Variants in POTEF observed in about 807,000 individuals in gnomAD.
The protein encoded by POTEF is ANKRD26-like family C member 1B.
Under a neutral mutation model 83.2 loss-of-function variants are expected in POTEF, and 20 were observed. The ratio of observed to expected loss-of-function variants is 0.24; its 90% confidence interval spans 0.17 to 0.35. POTEF has a LOEUF of 0.35. POTEF is among the 10% of genes least tolerant of loss of function. The probability of loss-of-function intolerance (pLI) is 1.00; values close to 1 mark genes in which losing one functional copy is unlikely to be tolerated. For missense variants in POTEF, 550 were observed against 1,203.2 expected (o/e 0.46, Z 8.03); for synonymous variants, 196 against 446.4 (o/e 0.44, Z 7.07).
At chr2:130,095,272 C>G (rs1224022696) in intron 11 of POTEF, among the ~76,000 whole-genome samples, 1 of 78,718 alleles carries the variant, frequency 1.3e-5, no homozygotes, top group Non-Finnish European at 2.4e-5. Context: ...CCTCGGCCTC[C>G]CAAAGTGCTT....
rs201025840 is a variant in POTEF at position 130,074,900 on chromosome 2, C to T, written c.2572G>A (p.Gly858Arg). The change falls in exon 17 of 17, where the codon GGG (glycine) becomes AGG (arginine). Residue 858 changes from glycine to arginine, a missense_variant. Physicochemically the swap from Gly to Arg is moderately radical, Grantham distance 125. Coordinates refer to ENST00000409914, the MANE Select transcript of POTEF (RefSeq NM_001099771.2). ...TAGATGGGCACAGTGTGGGTGACCC[C>T]GTCACCAGAGTCCATCACGATGCCA... ...TTGIVMDSGDGVTHTVPIYEG... is the reference protein window; with the variant it reads ...TTGIVMDSGDRVTHTVPIYEG... 96 of 1,593,400 alleles carry T rather than the reference C, an allele frequency of 6.0e-5. 1 individual carries two copies. Among genetic ancestry groups the T allele is most frequent in the South Asian group, 2.2e-4 (20 of 90,194 alleles).
At chr2:130,103,987 T>G (rs1181552958) in intron 8 of POTEF, among the ~76,000 whole-genome samples, 4 of 140,494 alleles carry the variant, frequency 2.8e-5, no homozygotes, top group Non-Finnish European at 6.1e-5. Flanking sequence ...TTAAGATGCC[T>G]GGACATTAAT....
intron 2 of POTEF, among the ~76,000 whole-genome samples, chr2:130,121,168 G>C (rs1485821733): frequency 6.7e-6 from 1 of 149,734 alleles, no homozygotes. Context: ...TGGCGTCAGG[G>C]CACGTGGCAC....
intron 5 of POTEF, among the ~76,000 whole-genome samples, chr2:130,113,671 A>C (rs574396658): frequency 7.1e-6 from 1 of 140,016 alleles, no homozygotes; most frequent in Admixed American, 7.6e-5. Context: ...GGCTTCAAGG[A>C]AACATTTTCA....
intron 2 of POTEF, among the ~76,000 whole-genome samples, chr2:130,125,987 G>A (rs1685082062): frequency 6.6e-6 from 1 of 151,510 alleles, no homozygotes; most frequent in South Asian, 2.1e-4. Flanking sequence ...GGTTTGCTCA[G>A]GCAGATGACA....
At chr2:130,110,488 T>C in intron 7 of POTEF, 55 bp downstream of exon 7, 1 of 1,150,582 alleles carries the variant, frequency 8.7e-7, no homozygotes, top group Non-Finnish European at 1.2e-6. Context: ...GCAACTGTTA[T>C]AATTATTTTA....
chr2:130,083,347 A>G (rs75796025), intron 15 of POTEF, among the ~76,000 whole-genome samples: 1 of 152,204 alleles, frequency 6.6e-6, no homozygotes, highest in Non-Finnish European at 1.5e-5. Context: ...AAAAAAAAAA[A>G]TTATGAGAAA....
chr2:130,102,692 T>C (rs555933007), intron 8 of POTEF, among the ~76,000 whole-genome samples: 2 of 150,608 alleles, frequency 1.3e-5, no homozygotes, highest in Non-Finnish European at 2.9e-5. Context: ...TGTCTCCCCT[T>C]CCCCTCAGCA....
chr2:130,107,298 T>C (rs1684565439), intron 8 of POTEF, among the ~76,000 whole-genome samples: 1 of 150,886 alleles, frequency 6.6e-6, no homozygotes, highest in Non-Finnish European at 1.5e-5. Flanking sequence ...AAAGTAAATA[T>C]ATCTCTTTCC....
intron 8 of POTEF, among the ~76,000 whole-genome samples, chr2:130,106,278 AT>A (rs1331772320): frequency 6.7e-6 from 1 of 150,276 alleles, no homozygotes; most frequent in Admixed American, 6.7e-5. Flanking sequence ...TACCCAGTAA[AT>A]TTCCCATGGC....
At chr2:130,128,440 A>G (rs1685151218) in intron 1 of POTEF, among the ~76,000 whole-genome samples, 1 of 151,450 alleles carries the variant, frequency 6.6e-6, no homozygotes. Flanking sequence ...CACCACTGGC[A>G]GTATAGCCCC....
chr2:130,114,672 C>G (rs1684795584), intron 5 of POTEF, among the ~76,000 whole-genome samples: 2 of 150,836 alleles, frequency 1.3e-5, no homozygotes, highest in African/African-American at 4.9e-5. Flanking sequence ...GTATTTACCA[C>G]AAGTGCATTA....
At chr2:130,101,345 A>C (rs917013925) in intron 9 of POTEF, among the ~76,000 whole-genome samples, 2 of 149,730 alleles carry the variant, frequency 1.3e-5, no homozygotes, top group Non-Finnish European at 2.9e-5. Flanking sequence ...AATATATTCT[A>C]ATGTGTACTA....
rs1415950299 is a variant in POTEF, at chr2:130,074,874, A to G, written c.2598T>C (p.Tyr866=). 1 of 1,569,396 alleles carries G rather than the reference A, an allele frequency of 6.4e-7. No individual in the cohort carries two copies. Among genetic ancestry groups the G allele is most frequent in the South Asian group, 1.1e-5 (1 of 89,642 alleles). Residue 866 remains tyrosine, a synonymous_variant, in exon 17 of 17, where the codon TAT becomes TAC. Transcript: ENST00000409914. ...TGGCATGGGGGAGGGCATTCCCCTC[A>G]TAGATGGGCACAGTGTGGGTGACCC... ...GDGVTHTVPI[Y]EGNALPHATL...
At chr2:130,111,867 C>G (rs1331627861) in intron 6 of POTEF, 128 bp downstream of exon 6, 4 of 632,144 alleles carry the variant, frequency 6.3e-6, no homozygotes, top group East Asian at 3.6e-5. Context: ...GTTTTTCTAC[C>G]TAACTGATTT....
chr2:130,107,842 G>C, intron 8 of POTEF, 167 bp downstream of exon 8: 1 of 625,304 alleles, frequency 1.6e-6, no homozygotes, highest in Non-Finnish European at 2.8e-6. Context: ...ATATTACAAT[G>C]TGATAATAAT....
intron 15 of POTEF, among the ~76,000 whole-genome samples, chr2:130,083,260 A>G (rs2104780084): frequency 6.6e-6 from 1 of 151,858 alleles, no homozygotes; most frequent in South Asian, 2.1e-4. Flanking sequence ...GCTGGAACTC[A>G]TGAGGCAGAG....
chr2:130,115,828 G>C (rs1573613931), intron 3 of POTEF, among the ~76,000 whole-genome samples: 1 of 152,182 alleles, frequency 6.6e-6, no homozygotes, highest in South Asian at 2.1e-4. Context: ...TACACTTTCA[G>C]GTGTGTTTTA....
At position 130,100,736 on chromosome 2, in the gene POTEF, CAGA is replaced by C. The variant is rs755116527; in HGVS notation, c.1198-19_1198-17del. The C allele has an allele frequency of 1.6e-5, 25 of 1,608,856 alleles. No homozygotes were observed. The highest frequency in any genetic ancestry group is 2.2e-5 in the East Asian group (1 of 44,692). On this transcript the variant is annotated splice_polypyrimidine_tract_variant and intron_variant, in intron 9 of 16. Transcript: ENST00000409914. ...GAGACATTTTCTGCAGAGGCAAAAA[CAGA>C]AGGTTAATTTGCTTGTTGTGTTTCT... is the stretch of plus-strand genomic sequence containing the variant.
Sources: gnomAD v4.1 joint callset for allele counts (sites outside exome capture counted in the v4.1 genomes callset) on GRCh38, gnomAD v4.1.1 for gene constraint, MANE v1.5 for transcripts, NCBI Gene and HGNC (gene_info 2026-07-23, HGNC 2026-07-21) for gene names.